EPHB2: variants seen among roughly 807,000 people sequenced by gnomAD.
EPHB2 encodes EPH receptor B2, also known as ephrin type-B receptor 2.
In EPHB2, 18 loss-of-function variants were observed where a neutral mutation model predicts 96.4. The observed-to-expected ratio is 0.19, with a 90% CI of 0.13 to 0.28. The LOEUF (loss-of-function observed/expected upper bound fraction) is 0.28. Ranked by LOEUF, EPHB2 falls within the 10% of genes least tolerant of loss-of-function variation. The probability of loss-of-function intolerance (pLI) is 1.00; values close to 1 mark genes in which losing one functional copy is unlikely to be tolerated. For synonymous variants in EPHB2, 506 were observed against 534.1 expected, an observed-to-expected ratio of 0.95 and a Z score of 0.72; for missense variants, 989 against 1,355.4, an observed-to-expected ratio of 0.73 and a Z score of 4.25.
intron 6 of EPHB2, among the ~76,000 whole-genome samples, chr1:22,883,684 CTG>C (rs947132078): frequency 2.6e-5 from 4 of 152,186 alleles, no homozygotes; most frequent in African/African-American, 9.7e-5. Flanking sequence ...CCTTCCCACT[CTG>C]TTAACTGCTG....
At chr1:22,743,282 G>A (rs1643926767) in intron 1 of EPHB2, among the ~76,000 whole-genome samples, 1 of 152,108 alleles carries the variant, frequency 6.6e-6, no homozygotes, top group Admixed American at 6.5e-5. Flanking sequence ...CCCAGGGCTT[G>A]GTGATGCCGC....
rs201751121 is a variant in EPHB2, at chr1:22,909,078, C to T, written c.2409C>T (p.Phe803=). The T allele has an allele frequency of 1.8e-4, 283 of 1,614,080 alleles. No individual in the cohort carries two copies. Among genetic ancestry groups the T allele is most frequent in the Non-Finnish European group, 2.2e-4 (263 of 1,180,044 alleles). Residue 803 remains phenylalanine, a synonymous_variant, in exon 13 of 16, where the codon TTC becomes TTT. Transcript: ENST00000374630. The part of the protein sequence containing the change: ...TAPEAIQYRK[F]TSASDVWSYG... ...CGGAAGCCATCCAGTACCGGAAGTT[C>T]ACCTCGGCCAGTGATGTGTGGAGCT...
chr1:22,829,962 C>T (rs1477283499), intron 3 of EPHB2, among the ~76,000 whole-genome samples: 2 of 152,122 alleles, frequency 1.3e-5, no homozygotes, highest in Admixed American at 6.5e-5. Flanking sequence ...AGTCGAGGCA[C>T]CGAGCAGAGG....
intron 3 of EPHB2, among the ~76,000 whole-genome samples, chr1:22,834,544 C>A (rs551369361): frequency 1.3e-5 from 2 of 152,114 alleles, no homozygotes; most frequent in East Asian, 1.9e-4. Context: ...AACCACTCAA[C>A]TCTGCCATTG....
chr1:22,820,453 G>C (rs1475395188), intron 3 of EPHB2, among the ~76,000 whole-genome samples: 1 of 152,170 alleles, frequency 6.6e-6, no homozygotes, highest in Non-Finnish European at 1.5e-5. Flanking sequence ...TTGAGCCCAG[G>C]AGTTTGAGAC....
In EPHB2 at chr1:22,790,992, A is replaced by T. The variant is rs1570281937; in HGVS notation, c.811+5916A>T. 6.6e-6 allele frequency among the ~76,000 whole-genome samples: 1 copy of T among 151,698 alleles called. No homozygotes were observed. Among genetic ancestry groups the T allele is most frequent in the Non-Finnish European group, 1.5e-5 (1 of 67,948 alleles). ...CTTGGCTTCAGAGACCTGCTTTCAA[A>T]CCCCAGCCCTACCTCTCACTAGCTG... On this transcript the variant is annotated intron_variant, in intron 3 of 15. Coordinates refer to ENST00000374630, the MANE Select transcript of EPHB2 (RefSeq NM_017449.5). This position sits in a 1 kb window ranked among gnomAD's most constrained non-coding sequence, Gnocchi z 4.0.
In EPHB2 at chr1:22,828,709, G is replaced by A. The variant is rs1054326850; in HGVS notation, c.812-34328G>A. On this transcript the variant is annotated intron_variant, in intron 3 of 15. Coordinates refer to ENST00000374630, the MANE Select transcript of EPHB2 (RefSeq NM_017449.5). ...AAGCAAGAATTTTAGAATGTTACAG[G>A]CCTAGAAAGGTTGTAATCATAGAAT... is the stretch of plus-strand genomic sequence containing the variant. Among the ~76,000 whole-genome samples the A allele has an allele frequency of 1.1e-4, 16 of 152,200 alleles. 1 individual carries two copies. The highest frequency in any genetic ancestry group is 3.9e-4 in the Admixed American group (6 of 15,284).
intron 1 of EPHB2, among the ~76,000 whole-genome samples, chr1:22,744,245 G>GT (rs1425049158): frequency 1.3e-5 from 2 of 151,936 alleles, no homozygotes; most frequent in Non-Finnish European, 2.9e-5. Context: ...TCGTAGCCCA[G>GT]TAATTCCACT....
intron 5 of EPHB2, among the ~76,000 whole-genome samples, chr1:22,874,496 T>G (rs1339141821): frequency 1.3e-5 from 2 of 152,268 alleles, no homozygotes; most frequent in Admixed American, 1.3e-4. Flanking sequence ...AGGCTACTTA[T>G]GGGTAGGGCC....
intron 1 of EPHB2, among the ~76,000 whole-genome samples, chr1:22,749,591 A>G (rs1192458553): frequency 6.6e-6 from 1 of 152,168 alleles, no homozygotes; most frequent in Non-Finnish European, 1.5e-5. Flanking sequence ...TCCCATTGCC[A>G]GGGGAGCTGT....
chr1:22,921,441 G>A lies in EPHB2; in HGVS notation c.*7871G>A, dbSNP rs1570483996. 6.6e-6 allele frequency: 1 copy of A among 152,186 alleles called. No homozygotes were observed. The highest frequency in any genetic ancestry group is 1.5e-5 in the Non-Finnish European group (1 of 68,028). 9.4% of individuals were successfully genotyped at this position (152,186 alleles called of 1,614,324 possible). On this transcript the variant is annotated 3_prime_UTR_variant, in exon 16 of 16. Transcript: ENST00000374630. ...CTGACCCTGTTACTCCAATGCCTTT[G>A]TAGGAGTATTTTTAGCAGAACCGTT...
At chr1:22,830,524 A>G (rs997912822) in intron 3 of EPHB2, among the ~76,000 whole-genome samples, 1 of 152,228 alleles carries the variant, frequency 6.6e-6, no homozygotes, top group Non-Finnish European at 1.5e-5. Flanking sequence ...CCAGGAGGCA[A>G]GGGATACCTG....
At chr1:22,896,131 A>G (rs1639552835) in intron 8 of EPHB2, among the ~76,000 whole-genome samples, 1 of 152,216 alleles carries the variant, frequency 6.6e-6, no homozygotes, top group Admixed American at 6.5e-5. Flanking sequence ...GTTCAGGTGG[A>G]CAGAAGCCCC....
At chr1:22,798,024 T>C (rs1644791973) in intron 3 of EPHB2, among the ~76,000 whole-genome samples, 1 of 152,218 alleles carries the variant, frequency 6.6e-6, no homozygotes, top group African/African-American at 2.4e-5. Context: ...TCTGACGTAC[T>C]ATGTATTTCC....
At chr1:22,781,610 C>A in intron 2 of EPHB2, 125 bp downstream of exon 2, 1 of 876,780 alleles carries the variant, frequency 1.1e-6, no homozygotes, top group Non-Finnish European at 1.9e-6. Flanking sequence ...CCAGGCCTCT[C>A]TCAGCCCCAC....
chr1:22,773,219 AGAG>A (rs1256774585), intron 1 of EPHB2, among the ~76,000 whole-genome samples: 2 of 152,240 alleles, frequency 1.3e-5, no homozygotes, highest in Admixed American at 6.5e-5. Context: ...AGAGGCTCAG[AGAG>A]GAGAAGTGAC....
At chr1:22,908,230 C>T (rs1639980131) in intron 12 of EPHB2, 62 bp downstream of exon 12, 4 of 1,589,818 alleles carry the variant, frequency 2.5e-6, no homozygotes, top group Non-Finnish European at 3.4e-6. Context: ...GAGTGTCCAT[C>T]TCTCCCTGCA....
At chr1:22,873,002 G>A (rs1448268311) in intron 5 of EPHB2, among the ~76,000 whole-genome samples, 3 of 152,222 alleles carry the variant, frequency 2.0e-5, no homozygotes, top group Non-Finnish European at 2.9e-5. Flanking sequence ...CAAGCATTCT[G>A]CAGGGAAGGC....
chr1:22,821,029 G>A (rs1645145177), intron 3 of EPHB2, among the ~76,000 whole-genome samples: 1 of 152,232 alleles, frequency 6.6e-6, no homozygotes, highest in African/African-American at 2.4e-5. Context: ...ATGAAATCCA[G>A]AAGTAGGCAG....
Sources: allele counts gnomAD v4.1 joint callset (sites outside exome capture counted in the v4.1 genomes callset), GRCh38; gene constraint gnomAD v4.1.1; non-coding constraint Gnocchi (gnomAD v3.1); transcripts MANE v1.5; gene names NCBI Gene and HGNC (gene_info 2026-07-23, HGNC 2026-07-21).